The following ZNF672 variants were observed in gnomAD, a reference collection of about 807,000 sequenced individuals.
ZNF672 encodes zinc finger protein 672, also known as hypothetical protein FLJ22301.
For missense variants in ZNF672, 733 were observed against 701.1 expected, an observed-to-expected ratio of 1.05 and a Z score of -0.51; for synonymous variants, 358 against 305.6, an observed-to-expected ratio of 1.17 and a Z score of -1.79.
rs373592225 is a variant in ZNF672 at position 248,838,423 on chromosome 1, C to G, written c.-603C>G. On this transcript the variant is annotated 5_prime_UTR_variant, in exon 1 of 4. Coordinates refer to ENST00000306562, the MANE Select transcript of ZNF672 (RefSeq NM_024836.3). ...CGCTCGGGCGCCTCCCCGCTCCCCC[C>G]ACTCGGAGGCCGCGCGCGCCGTTAG... The G allele has an allele frequency of 5.2e-5, 8 of 152,388 alleles. No individual in the cohort carries two copies. Among genetic ancestry groups the G allele is most frequent in the South Asian group, 2.1e-4 (1 of 4,838 alleles). 9.4% of individuals were successfully genotyped at this position (152,388 alleles called of 1,614,324 possible).
intron 1 of ZNF672, chr1:248,842,868 C>T (rs1664701597): frequency 6.6e-6 from 1 of 152,316 alleles, no homozygotes; most frequent in Admixed American, 6.5e-5. Flanking sequence ...TCCTGCCCCT[C>T]TTCTCATGGA....
chr1:248,848,426 GCA>G lies in ZNF672; in HGVS notation c.1154_1155del (p.His385ProfsTer54). 1 of 1,606,854 alleles carries G rather than the reference GCA, an allele frequency of 6.2e-7. No individual in the cohort carries two copies. The highest frequency in any genetic ancestry group is 2.2e-5 in the East Asian group (1 of 44,840). Reference sequence around the variant, plus strand: ...TCAGCGTCGCCTCCAAGCTTGCACTGCACCGCAAGACGCACCTGGGCGAACGG... The same window carrying G: ...TCAGCGTCGCCTCCAAGCTTGCACTGCCGCAAGACGCACCTGGGCGAACGG... ...AFSVASKLALHRKTHLGERPA... is the reference protein window; with the variant it reads ...AFSVASKLALXRKTHLGERPA... On this transcript the variant is annotated frameshift_variant, in exon 4 of 4. Transcript: ENST00000306562. LOFTEE classifies it low-confidence loss of function (END_TRUNC).
In ZNF672 at chr1:248,848,009, C is replaced by G. The variant is rs1394749771; in HGVS notation, c.735C>G (p.His245Gln). 5 of 1,556,486 alleles carry G rather than the reference C, an allele frequency of 3.2e-6. No individual in the cohort carries two copies. The highest frequency in any genetic ancestry group is 3.8e-5 in the Admixed American group (2 of 52,064). The change falls in exon 4 of 4, where the codon CAC becomes CAG. Residue 245 changes from histidine to glutamine, a missense_variant. His to Gln is a conservative substitution (Grantham distance 24). Coordinates refer to ENST00000306562, the MANE Select transcript of ZNF672 (RefSeq NM_024836.3). ...TGGAGAGCGCCACGCTGGTGCGCCA[C>G]CAGCGCACACACACGGGCGAGAAGC... ...GFLESATLVR[H>Q]QRTHTGEKPY...
intron 1 of ZNF672, chr1:248,839,501 G>A (rs1664634441): frequency 6.6e-6 from 1 of 152,132 alleles, no homozygotes; most frequent in Admixed American, 6.5e-5. Context: ...ATAATTAGCC[G>A]GGTGTGGTAG....
intron 1 of ZNF672, chr1:248,839,075 G>A (rs1415539446): frequency 6.6e-6 from 1 of 152,258 alleles, no homozygotes; most frequent in East Asian, 1.9e-4. Context: ...ACCTGTTCAG[G>A]TGCCGTGTTC....
Position 248,848,468 on chromosome 1 carries a change from A to G in ZNF672, c.1194A>G (p.Ala398=), listed in dbSNP as rs369092001. ...TGGGCGAACGGCCAGCGGAGTGCGCAGAGTGCGGCAAGTGCTTCAGCCACA... is the reference window on the plus strand; with the variant it reads ...TGGGCGAACGGCCAGCGGAGTGCGCGGAGTGCGGCAAGTGCTTCAGCCACA... The part of the protein sequence containing the change: ...THLGERPAEC[A]ECGKCFSHSR... The change falls in exon 4 of 4, where the codon GCA becomes GCG. Residue 398 remains alanine, a synonymous_variant. Coordinates refer to ENST00000306562, the MANE Select transcript of ZNF672 (RefSeq NM_024836.3). 1 of 1,606,904 alleles carries G rather than the reference A, an allele frequency of 6.2e-7. No individual in the cohort carries two copies. The highest frequency in any genetic ancestry group is 8.5e-7 in the Non-Finnish European group (1 of 1,177,328).
Position 248,847,530 on chromosome 1 carries a change from G to C in ZNF672, c.256G>C (p.Asp86His), listed in dbSNP as rs1327512683. 1 of 1,596,256 alleles carries C rather than the reference G, an allele frequency of 6.3e-7. No homozygotes were observed. The highest frequency in any genetic ancestry group is 8.5e-7 in the Non-Finnish European group (1 of 1,172,524). Reference protein sequence around the residue: ...GQSFRHSGRLDLHLGAHRQRC... With the variant: ...GQSFRHSGRLHLHLGAHRQRC... ...AAGCTTCCGCCACAGCGGCCGTCTT[G>C]ACCTACACTTGGGCGCACACCGGCA... The change falls in exon 4 of 4, where the codon GAC becomes CAC. Residue 86 changes from aspartate (D) to histidine (H), a missense_variant. Physicochemically the swap from Asp to His is moderately conservative, Grantham distance 81. Transcript: ENST00000306562.
chr1:248,839,926 A>G (rs554882996), intron 1 of ZNF672, among the ~76,000 whole-genome samples: 7 of 151,618 alleles, frequency 4.6e-5, no homozygotes, highest in Non-Finnish European at 7.4e-5. Flanking sequence ...TTTCGTAGAG[A>G]CAGGGTTTCA....
Position 248,848,224 on chromosome 1 carries a change from G to T in ZNF672, c.950G>T (p.Gly317Val). 6.2e-7 allele frequency: 1 copy of T among 1,600,398 alleles called. No homozygotes were observed. The change falls in exon 4 of 4, where the codon GGC becomes GTC. Residue 317 changes from glycine (G) to valine (V), a missense_variant. Physicochemically the swap from Gly to Val is moderately radical, Grantham distance 109. Coordinates refer to ENST00000306562, the MANE Select transcript of ZNF672 (RefSeq NM_024836.3). ...GEKPFACPEC[G>V]RRFSDRSDLT... ...AAGCCCTTCGCGTGCCCCGAGTGCGGCCGCCGCTTCAGCGACCGCTCGGAC... is the reference window on the plus strand; with the variant it reads ...AAGCCCTTCGCGTGCCCCGAGTGCGTCCGCCGCTTCAGCGACCGCTCGGAC...
Position 248,847,792 on chromosome 1 carries a change from G to T in ZNF672, c.518G>T (p.Arg173Leu). 1 of 1,539,956 alleles carries T rather than the reference G, an allele frequency of 6.5e-7. No homozygotes were observed. Reference protein sequence around the residue: ...HRCAQCPRAFRSGAGLRSHAR... With the variant: ...HRCAQCPRAFLSGAGLRSHAR... ...TGCGCGCAGTGCCCGCGAGCCTTCC[G>T]AAGCGGCGCCGGGCTGCGGAGTCAC... Residue 173 changes from arginine to leucine, a missense_variant, in exon 4 of 4, where the codon CGA becomes CTA. Physicochemically the swap from Arg to Leu is moderately radical, Grantham distance 102. Coordinates refer to ENST00000306562, the MANE Select transcript of ZNF672 (RefSeq NM_024836.3).
chr1:248,847,440 G>T lies in ZNF672; in HGVS notation c.166G>T (p.Asp56Tyr), dbSNP rs1286088251. The change falls in exon 4 of 4, where the codon GAC (aspartate) becomes TAC (tyrosine). Residue 56 changes from aspartate (D) to tyrosine (Y), a missense_variant. Transcript: ENST00000306562. ...ECGERCARAA[D>Y]LRAHRRTHAG... Reference sequence around the variant, plus strand: ...CGGTGAGCGCTGTGCACGGGCTGCTGACCTCCGAGCGCACAGGCGCACGCA... The same window carrying T: ...CGGTGAGCGCTGTGCACGGGCTGCTTACCTCCGAGCGCACAGGCGCACGCA... 6.3e-7 allele frequency: 1 copy of T among 1,590,924 alleles called. No homozygotes were observed. The highest frequency in any genetic ancestry group is 8.6e-7 in the Non-Finnish European group (1 of 1,168,662).
At chr1:248,844,677 T>G (rs1015063761) in intron 2 of ZNF672, 41 bp downstream of exon 2, 1 of 152,274 alleles carries the variant, frequency 6.6e-6, no homozygotes, top group African/African-American at 2.4e-5. Flanking sequence ...CACGTTGGTA[T>G]TTGTGCATTT....
In ZNF672 at chr1:248,848,667, G is replaced by T; in HGVS notation, c.*34G>T. On this transcript the variant is annotated 3_prime_UTR_variant, in exon 4 of 4. Coordinates refer to ENST00000306562, the MANE Select transcript of ZNF672 (RefSeq NM_024836.3). ...GGCTTGCTGAGGCTTCTCTAAAGGT[G>T]GTTGGGCAAGCACCTATATAGTATC... is the stretch of plus-strand genomic sequence containing the variant. The T allele has an allele frequency of 2.0e-6, 3 of 1,533,696 alleles. No individual in the cohort carries two copies. Among genetic ancestry groups the T allele is most frequent in the Non-Finnish European group, 1.8e-6 (2 of 1,141,850 alleles).
Position 248,848,275 on chromosome 1 carries a change from CG to C in ZNF672, c.1004del (p.Gly335AlafsTer120). ...CTCACCAAGCACCGGCGCACGCACA[CG>C]GGCGAGAAGCCCTACCGCTGCGAAC... ...SDLTKHRRTH[T>X]GEKPYRCELC... is the part of the protein sequence containing the mutation. On this transcript the variant is annotated frameshift_variant, in exon 4 of 4. Coordinates refer to ENST00000306562, the MANE Select transcript of ZNF672 (RefSeq NM_024836.3). LOFTEE classifies it low-confidence loss of function (END_TRUNC). 6.2e-7 allele frequency: 1 copy of C among 1,602,870 alleles called. No individual in the cohort carries two copies.
At chr1:248,842,139 C>T (rs1664687850) in intron 1 of ZNF672, among the ~76,000 whole-genome samples, 1 of 152,114 alleles carries the variant, frequency 6.6e-6, no homozygotes, top group African/African-American at 2.4e-5. Context: ...TCCCCATCCG[C>T]ACCTCCTAGA....
chr1:248,841,875 A>G (rs190842609), intron 1 of ZNF672, among the ~76,000 whole-genome samples: 1 of 152,208 alleles, frequency 6.6e-6, no homozygotes, highest in East Asian at 1.9e-4. Context: ...CCGAGATCAC[A>G]CTGAGATGGC....
chr1:248,843,567 C>A (rs1664710673), intron 1 of ZNF672, among the ~76,000 whole-genome samples: 1 of 152,182 alleles, frequency 6.6e-6, no homozygotes. Context: ...GTGGGCCAGC[C>A]TCCTTTCAAA....
rs1265957733 is a variant in ZNF672 at position 248,845,643 on chromosome 1, T to A, written c.-243T>A. The A allele has an allele frequency of 6.6e-6, 1 of 152,120 alleles. No individual in the cohort carries two copies. Among genetic ancestry groups the A allele is most frequent in the African/African-American group, 2.4e-5 (1 of 41,420 alleles). The allele number at this position is 152,120 out of a possible 1,614,324, so 9.4% of individuals were successfully genotyped here. On this transcript the variant is annotated 5_prime_UTR_variant, in exon 3 of 4. Transcript: ENST00000306562. Reference sequence around the variant, plus strand: ...CCCAGCGTGGTGGGGCAGCAGAAGCTCCAGAGCCCAGACTTGCAGGTTTGC... The same window carrying A: ...CCCAGCGTGGTGGGGCAGCAGAAGCACCAGAGCCCAGACTTGCAGGTTTGC...
In ZNF672 at chr1:248,847,993, C is replaced by G. The variant is rs778847467; in HGVS notation, c.719C>G (p.Ala240Gly). 4 of 1,557,254 alleles carry G rather than the reference C, an allele frequency of 2.6e-6. No individual in the cohort carries two copies. The highest frequency in any genetic ancestry group is 2.3e-5 in the South Asian group (2 of 85,562). Residue 240 changes from alanine (A) to glycine (G), a missense_variant, in exon 4 of 4, where the codon GCC becomes GGC. Ala to Gly is a moderately conservative substitution (Grantham distance 60, BLOSUM62 0). Transcript: ENST00000306562. ...TGCGGCAAGGGCTTCCTGGAGAGCG[C>G]CACGCTGGTGCGCCACCAGCGCACA... ...PECGKGFLES[A>G]TLVRHQRTHT...
Sources: gnomAD v4.1 joint callset for allele counts (sites outside exome capture counted in the v4.1 genomes callset) on GRCh38, gnomAD v4.1.1 for gene constraint, MANE v1.5 for transcripts, NCBI Gene and HGNC (gene_info 2026-07-23, HGNC 2026-07-21) for gene names.